IL33: variants seen among roughly 807,000 people sequenced by gnomAD.
IL33 encodes the protein interleukin-33.
Under a neutral mutation model 27.3 loss-of-function variants are expected in IL33, and 37 were observed. The observed-to-expected ratio is 1.36, with a 90% CI of 1.04 to 1.78. IL33 has a LOEUF of 1.78. IL33 is among the 40% of genes most tolerant of loss of function. The pLI is 0.00. For missense variants in IL33, 406 were observed against 311.4 expected, an observed-to-expected ratio of 1.30 and a Z score of -2.29; for synonymous variants, 132 against 102.9, an observed-to-expected ratio of 1.28 and a Z score of -1.71.
intron 7 of IL33, 67 bp from the exon 8 acceptor site, chr9:6,255,901 C>A (rs1564077520): frequency 2.4e-6 from 3 of 1,257,812 alleles, no homozygotes; most frequent in Non-Finnish European, 2.3e-6. Flanking sequence ...GTTTCCAATA[C>A]AGGCAGGTAA....
chr9:6,225,943 A>T (rs1035451611), intron 1 of IL33, among the ~76,000 whole-genome samples: 1 of 151,988 alleles, frequency 6.6e-6, no homozygotes, highest in South Asian at 2.1e-4. Context: ...GCCCTGGCTG[A>T]TCTCACTTTT....
chr9:6,257,522 C>T lies in IL33; in HGVS notation c.*1354C>T, dbSNP rs1393547141. 1 of 152,570 alleles carries T rather than the reference C, an allele frequency of 6.6e-6. No individual in the cohort carries two copies. The highest frequency in any genetic ancestry group is 2.4e-5 in the African/African-American group (1 of 41,434). 9.5% of individuals were successfully genotyped at this position (152,570 alleles called of 1,614,324 possible). A position where few individuals can be genotyped will look rare whatever the true frequency, so the allele number is the denominator to read the frequency against. On this transcript the variant is annotated 3_prime_UTR_variant, in exon 8 of 8. Coordinates refer to ENST00000682010, the MANE Select transcript of IL33 (RefSeq NM_033439.4). ...TCACTAGGGCAATAAAATTTATACT[C>T]AACCATATAATAACATTTTTTAACT...
chr9:6,243,387 C>CT (rs1245316641), intron 2 of IL33, among the ~76,000 whole-genome samples: 1 of 152,184 alleles, frequency 6.6e-6, no homozygotes, highest in Non-Finnish European at 1.5e-5. Context: ...GACAGTCTCA[C>CT]TTTGTCTCCC....
chr9:6,235,726 A>G (rs1233864749), intron 1 of IL33, among the ~76,000 whole-genome samples: 1 of 152,224 alleles, frequency 6.6e-6, no homozygotes, highest in Non-Finnish European at 1.5e-5. Context: ...CATGAAATAA[A>G]GGAATAAAAT....
intron 2 of IL33, 102 bp downstream of exon 2, chr9:6,241,887 T>A (rs1391339180): frequency 1.3e-6 from 1 of 778,822 alleles, no homozygotes; most frequent in East Asian, 2.8e-5. Context: ...CAAAATCTAC[T>A]AAGAATACAA....
chr9:6,233,631 A>G (rs1819037148), intron 1 of IL33, among the ~76,000 whole-genome samples: 1 of 152,206 alleles, frequency 6.6e-6, no homozygotes, highest in Non-Finnish European at 1.5e-5. Context: ...CTGAAAATAT[A>G]TCTTCTCATT....
intron 1 of IL33, among the ~76,000 whole-genome samples, chr9:6,240,011 C>T (rs762907501): frequency 2.0e-5 from 3 of 152,198 alleles, no homozygotes; most frequent in Non-Finnish European, 4.4e-5. Flanking sequence ...CTTTCCCCTA[C>T]AGTCAAAACC....
At chr9:6,240,449 T>C (rs550989550) in intron 1 of IL33, among the ~76,000 whole-genome samples, 2 of 152,308 alleles carry the variant, frequency 1.3e-5, no homozygotes, top group Admixed American at 6.5e-5. Flanking sequence ...AAGTTCTTAT[T>C]TGCAGAGGAA....
intron 1 of IL33, among the ~76,000 whole-genome samples, chr9:6,230,732 C>T (rs1184140006): frequency 6.6e-6 from 1 of 152,130 alleles, no homozygotes; most frequent in Non-Finnish European, 1.5e-5. Flanking sequence ...TTCATTCATC[C>T]CACTATATCC....
intron 2 of IL33, 105 bp downstream of exon 2, chr9:6,241,890 G>T: frequency 1.3e-6 from 1 of 755,154 alleles, no homozygotes; most frequent in Middle Eastern, 3.5e-4. Context: ...AATCTACTAA[G>T]AATACAAGAA....
At chr9:6,236,914 T>A (rs1819245114) in intron 1 of IL33, among the ~76,000 whole-genome samples, 1 of 152,122 alleles carries the variant, frequency 6.6e-6, no homozygotes, top group Non-Finnish European at 1.5e-5. Context: ...ACAGCTAAAA[T>A]AATCTCTGTT....
At chr9:6,217,473 A>G (rs904848166) in intron 1 of IL33, among the ~76,000 whole-genome samples, 3 of 152,194 alleles carry the variant, frequency 2.0e-5, no homozygotes, top group African/African-American at 7.2e-5. Flanking sequence ...CAAAGGCAAT[A>G]TGGAAGTTAA....
At chr9:6,227,722 A>G (rs1289895049) in intron 1 of IL33, among the ~76,000 whole-genome samples, 1 of 152,160 alleles carries the variant, frequency 6.6e-6, no homozygotes, top group Non-Finnish European at 1.5e-5. Context: ...TGGTATATGA[A>G]CTGAGCCTCA....
At chr9:6,224,637 T>C (rs1472277455) in intron 1 of IL33, among the ~76,000 whole-genome samples, 2 of 152,210 alleles carry the variant, frequency 1.3e-5, no homozygotes, top group Non-Finnish European at 2.9e-5. Flanking sequence ...TTTGATTGTA[T>C]TGTTGCCAAT....
intron 1 of IL33, among the ~76,000 whole-genome samples, chr9:6,222,606 C>T (rs1422340414): frequency 2.0e-5 from 3 of 152,284 alleles, no homozygotes; most frequent in Admixed American, 2.0e-4. Flanking sequence ...AAAAGTTATG[C>T]TTTCTGTAAC....
intron 4 of IL33, among the ~76,000 whole-genome samples, chr9:6,252,047 AC>A (rs1564073089): frequency 0.082 from 3,518 of 42,850 alleles, 304 homozygotes; most frequent in East Asian, 0.2. Context: ...AAAAAAACAA[AC>A]AAACAAACAA....
chr9:6,220,529 T>C (rs1818363555), intron 1 of IL33, among the ~76,000 whole-genome samples: 1 of 152,190 alleles, frequency 6.6e-6, no homozygotes, highest in African/African-American at 2.4e-5. Flanking sequence ...TAGGGGACTA[T>C]ATGCTTTTCT....
At chr9:6,215,482 C>A (rs552266358), upstream of IL33, among the ~76,000 whole-genome samples, 43 of 152,196 alleles carry the variant, frequency 2.8e-4, no homozygotes, top group African/African-American at 9.9e-4. Flanking sequence ...AAGAAGCCAA[C>A]GGCCAAAAGT....
chr9:6,246,891 T>C (rs1285221128), intron 2 of IL33, among the ~76,000 whole-genome samples: 1 of 152,200 alleles, frequency 6.6e-6, no homozygotes, highest in Non-Finnish European at 1.5e-5. Context: ...CATGGTATTT[T>C]GTTATGGCAG....
Sources: gnomAD v4.1 joint callset for allele counts (sites outside exome capture counted in the v4.1 genomes callset) on GRCh38, gnomAD v4.1.1 for gene constraint, MANE v1.5 for transcripts, NCBI Gene and HGNC (gene_info 2026-07-23, HGNC 2026-07-21) for gene names.